The following LRRC2 variants were observed in gnomAD, a reference collection of about 807,000 sequenced individuals.
LRRC2 encodes leucine-rich repeat-containing protein 2.
LRRC2 carries 27 observed loss-of-function variants against 40.2 expected under a neutral mutation model. The observed-to-expected ratio is 0.67, with a 90% CI of 0.49 to 0.93. LRRC2 has a LOEUF of 0.93. Ranked by LOEUF, LRRC2 falls within the 40% of genes least tolerant of loss-of-function variation. LRRC2 has a pLI of 0.00. For synonymous variants in LRRC2, 147 were observed against 158.9 expected, an observed-to-expected ratio of 0.92 and a Z score of 0.56; for missense variants, 402 against 439.6, an observed-to-expected ratio of 0.91 and a Z score of 0.76.
At chr3:46,556,817 T>C (rs559890294) in intron 1 of LRRC2, among the ~76,000 whole-genome samples, 19 of 152,242 alleles carry the variant, frequency 1.2e-4, no homozygotes, top group Non-Finnish European at 2.1e-4. Context: ...GACCTTGTGA[T>C]TCACCCGCCT....
intron 3 of LRRC2, 28 bp from the exon 4 acceptor site, chr3:46,539,229 G>C: frequency 6.2e-7 from 1 of 1,606,456 alleles, no homozygotes; most frequent in Non-Finnish European, 8.5e-7. Flanking sequence ...ACATCAATCA[G>C]AACTAGCTCC....
intron 4 of LRRC2, among the ~76,000 whole-genome samples, 158 bp from the exon 5 acceptor site, chr3:46,533,067 T>C (rs912182689): frequency 6.6e-6 from 1 of 152,204 alleles, no homozygotes; most frequent in Non-Finnish European, 1.5e-5. Context: ...CTAATGAACA[T>C]TATCTTGTAG....
intron 1 of LRRC2, chr3:46,558,299 A>G (rs1704857116): frequency 6.6e-6 from 1 of 152,232 alleles, no homozygotes; most frequent in African/African-American, 2.4e-5. Context: ...AACACAGGGT[A>G]TATTTATTGA....
chr3:46,556,784 G>A (rs1306476404), intron 1 of LRRC2, among the ~76,000 whole-genome samples: 1 of 151,776 alleles, frequency 6.6e-6, no homozygotes, highest in East Asian at 1.9e-4. Flanking sequence ...TCACCATGTT[G>A]ATCAGGTTGG....
Position 46,545,181 on chromosome 3 carries a change from A to G in LRRC2, c.198T>C (p.Asn66=), listed in dbSNP as rs1196804799. Residue 66 remains asparagine, a synonymous_variant, in exon 3 of 9, where the codon AAT becomes AAC. Coordinates refer to ENST00000395905, the MANE Select transcript of LRRC2 (RefSeq NM_024512.5). The part of the protein sequence containing the change: ...KGIPQAVYCK[N]GFIDTSVRLL... The stretch of plus-strand genomic sequence containing the variant: ...GCCGCACGCTGGTGTCTATGAAGCC[A>G]TTCTTGCAGTATACAGCCTGGGGGA... 1 of 1,614,184 alleles carries G rather than the reference A, an allele frequency of 6.2e-7. No individual in the cohort carries two copies. The highest frequency in any genetic ancestry group is 8.5e-7 in the Non-Finnish European group (1 of 1,180,036).
chr3:46,532,911 T>C lies in LRRC2; in HGVS notation c.491-2A>G. The C allele has an allele frequency of 6.2e-7, 1 of 1,613,172 alleles. No homozygotes were observed. The highest frequency in any genetic ancestry group is 8.5e-7 in the Non-Finnish European group (1 of 1,179,764). On this transcript the variant is annotated splice_acceptor_variant, in intron 4 of 8. Transcript: ENST00000395905. LOFTEE classifies it high-confidence loss of function. ...GTTCTTTCAGGTTCTTCAAACAACCTGTCAGCAGAAAAAGTTAACATCCAT... is the reference window on the plus strand; with the variant it reads ...GTTCTTTCAGGTTCTTCAAACAACCCGTCAGCAGAAAAAGTTAACATCCAT...
At chr3:46,527,137 G>A (rs1228621038) in intron 7 of LRRC2, among the ~76,000 whole-genome samples, 1 of 152,190 alleles carries the variant, frequency 6.6e-6, no homozygotes, top group African/African-American at 2.4e-5. Flanking sequence ...GGCCAGCAGC[G>A]ATGTGAGCAC....
chr3:46,555,154 A>G (rs1704764056), intron 1 of LRRC2, among the ~76,000 whole-genome samples: 1 of 152,178 alleles, frequency 6.6e-6, no homozygotes, highest in Non-Finnish European at 1.5e-5. Context: ...GTCCTTTACC[A>G]GGTATATAAT....
In LRRC2 at chr3:46,527,414, C is replaced by T. The variant is rs373976344; in HGVS notation, c.929+12G>A. The T allele has an allele frequency of 2.0e-4, 316 of 1,613,454 alleles. 2 individuals are homozygous for T. The highest frequency in any genetic ancestry group is 2.5e-4 in the Non-Finnish European group (299 of 1,179,652). On this transcript the variant is annotated intron_variant, in intron 7 of 8. Transcript: ENST00000395905. ...GTCTGAGTGTGTCTACTGGGATTTC[C>T]GGGCTACTCACTTTAAAGGTGTGGA...
chr3:46,550,377 CTTTTTTTTTTTT>C (rs34602158), intron 2 of LRRC2, among the ~76,000 whole-genome samples: 1 of 84,006 alleles, frequency 1.2e-5, no homozygotes, highest in Admixed American at 1.6e-4. Context: ...CCTTACACAT[CTTTTTTTTTTTT>C]TTTTTTTTTT....
chr3:46,518,603 C>G lies in LRRC2; in HGVS notation c.*411G>C, dbSNP rs1328932027. On this transcript the variant is annotated 3_prime_UTR_variant, in exon 9 of 9. Coordinates refer to ENST00000395905, the MANE Select transcript of LRRC2 (RefSeq NM_024512.5). ...CCTCGAACTCCGGACCTCAGGTGATCCACCCACTTCGGCCTCCCAAAGTGC... is the reference window on the plus strand; with the variant it reads ...CCTCGAACTCCGGACCTCAGGTGATGCACCCACTTCGGCCTCCCAAAGTGC... 1 of 154,110 alleles carries G rather than the reference C, an allele frequency of 6.5e-6. No individual in the cohort carries two copies. Among genetic ancestry groups the G allele is most frequent in the Non-Finnish European group, 1.4e-5 (1 of 69,402 alleles). 9.5% of individuals were successfully genotyped at this position (154,110 alleles called of 1,614,324 possible).
chr3:46,545,220 G>A lies in LRRC2; in HGVS notation c.159C>T (p.Cys53=). 1.2e-6 allele frequency: 2 copies of A among 1,614,146 alleles called. No individual in the cohort carries two copies. ...IKEEWNFVAE[C]RRKGIPQAVY... ...CAGCCTGGGGGATGCCCTTCCTCCT[G>A]CATTCGGCCACAAAGTTCCACTCCT... The change falls in exon 3 of 9, where the codon TGC becomes TGT. Residue 53 remains cysteine (C), a synonymous_variant. Transcript: ENST00000395905.
At chr3:46,553,718 G>A (rs1704719160) in intron 1 of LRRC2, among the ~76,000 whole-genome samples, 1 of 152,146 alleles carries the variant, frequency 6.6e-6, no homozygotes, top group South Asian at 2.1e-4. Context: ...GAACTCCGGG[G>A]CTCAGGTGAT....
At chr3:46,553,149 T>C (rs1704702728) in intron 1 of LRRC2, among the ~76,000 whole-genome samples, 1 of 148,856 alleles carries the variant, frequency 6.7e-6, no homozygotes, top group African/African-American at 2.5e-5. Context: ...ACTTTACATT[T>C]ACTTTTTGTT....
intron 1 of LRRC2, among the ~76,000 whole-genome samples, chr3:46,563,482 G>T (rs770772087): frequency 2.0e-4 from 30 of 151,234 alleles, no homozygotes; most frequent in Non-Finnish European, 4.1e-4. Flanking sequence ...AGCACACACT[G>T]CTCCCTCAGC....
intron 4 of LRRC2, among the ~76,000 whole-genome samples, chr3:46,536,374 C>T (rs1001908125): frequency 1.3e-5 from 2 of 152,146 alleles, no homozygotes; most frequent in African/African-American, 4.8e-5. Context: ...CAACTATGTA[C>T]CCAATATGTT....
rs1703871891 is a variant in LRRC2 at position 46,516,944 on chromosome 3, C to A, written c.*2070G>T. 6.6e-6 allele frequency: 1 copy of A among 152,238 alleles called. No individual in the cohort carries two copies. Among genetic ancestry groups the A allele is most frequent in the African/African-American group, 2.4e-5 (1 of 41,454 alleles). The allele number at this position is 152,238 out of a possible 1,614,324, so 9.4% of individuals were successfully genotyped here. A position where few individuals can be genotyped will look rare whatever the true frequency, so the allele number is the denominator to read the frequency against. ...CTGATCACCCTGCCATTTAGTGCTT[C>A]TTCCTTTAGAATCGCAACTGGCCCC... is the stretch of plus-strand genomic sequence containing the variant. On this transcript the variant is annotated 3_prime_UTR_variant, in exon 9 of 9. Transcript: ENST00000395905.
rs571873013 is a variant in LRRC2 at position 46,528,749 on chromosome 3, C to A, written c.773+1156G>T. 2.6e-5 allele frequency among the ~76,000 whole-genome samples: 4 copies of A among 152,260 alleles called. No individual in the cohort carries two copies. In the East Asian group the frequency reaches 7.7e-4, roughly 29 times the overall value. On this transcript the variant is annotated intron_variant, in intron 6 of 8. Coordinates refer to ENST00000395905, the MANE Select transcript of LRRC2 (RefSeq NM_024512.5). ...GTACCAGGAATAAAAAAAAGTCATA[C>A]AAGATGGCATTCAGGCCTAAGCCAT...
chr3:46,536,944 TC>T (rs1408193551), intron 4 of LRRC2, among the ~76,000 whole-genome samples: 1 of 152,162 alleles, frequency 6.6e-6, no homozygotes, highest in Non-Finnish European at 1.5e-5. Context: ...GCATGACTCA[TC>T]CCATGGTGAT....
Sources: gnomAD v4.1 joint callset for allele counts (sites outside exome capture counted in the v4.1 genomes callset) on GRCh38, gnomAD v4.1.1 for gene constraint, MANE v1.5 for transcripts, NCBI Gene and HGNC (gene_info 2026-07-23, HGNC 2026-07-21) for gene names.